SCAPER: variants seen among roughly 807,000 people sequenced by gnomAD.
SCAPER encodes S phase cyclin A-associated protein in the endoplasmic reticulum.
A neutral mutation model predicts 182.2 loss-of-function variants in SCAPER; 98 were observed. The ratio of observed to expected loss-of-function variants is 0.54; its 90% CI spans 0.46 to 0.64. SCAPER has a LOEUF of 0.64. Ranked by LOEUF, SCAPER falls within the 30% of genes least tolerant of loss-of-function variation. The pLI, the probability that SCAPER is intolerant of heterozygous loss-of-function variation, is 0.00. For synonymous variants in SCAPER, 605 were observed against 564.6 expected, an observed-to-expected ratio of 1.07 and a Z score of -1.01; for missense variants, 1,432 against 1,690.0, an observed-to-expected ratio of 0.85 and a Z score of 2.68.
chr15:76,879,967 G>C (rs1418170700), intron 2 of SCAPER, among the ~76,000 whole-genome samples: 3 of 152,080 alleles, frequency 2.0e-5, no homozygotes, highest in African/African-American at 7.2e-5. Context: ...ATGGTGTCTG[G>C]CACATAAATA....
At chr15:76,707,932 A>G (rs2059344269) in intron 17 of SCAPER, among the ~76,000 whole-genome samples, 1 of 152,188 alleles carries the variant, frequency 6.6e-6, no homozygotes, top group Non-Finnish European at 1.5e-5. Flanking sequence ...TAGATCAACA[A>G]TAGGAAGAAA....
chr15:76,617,839 C>G (rs1286762676), intron 22 of SCAPER, among the ~76,000 whole-genome samples: 1 of 152,164 alleles, frequency 6.6e-6, no homozygotes, highest in Non-Finnish European at 1.5e-5. Context: ...CAGCAAAGTT[C>G]TACTGCAAAG....
At chr15:76,630,564 G>T (rs367943051) in intron 21 of SCAPER, among the ~76,000 whole-genome samples, 1 of 152,162 alleles carries the variant, frequency 6.6e-6, no homozygotes, top group East Asian at 1.9e-4. Context: ...TTACCCAAGA[G>T]TCATTCAGGA....
chr15:76,787,621 G>A (rs1177049811), intron 8 of SCAPER, among the ~76,000 whole-genome samples: 1 of 152,122 alleles, frequency 6.6e-6, no homozygotes, highest in Admixed American at 6.6e-5. Flanking sequence ...ACCAAGCCTG[G>A]CCAAGAATTT....
chr15:76,785,263 C>T (rs867794126), intron 8 of SCAPER, among the ~76,000 whole-genome samples: 3 of 152,182 alleles, frequency 2.0e-5, no homozygotes, highest in Non-Finnish European at 4.4e-5. Context: ...ATTCAGCCAA[C>T]AGGCACATGA....
intron 20 of SCAPER, among the ~76,000 whole-genome samples, chr15:76,689,154 C>T (rs931717090): frequency 3.3e-5 from 5 of 151,624 alleles, no homozygotes; most frequent in Admixed American, 6.6e-5. Context: ...AGCCCAAATG[C>T]CTCTTTCTTA....
intron 24 of SCAPER, among the ~76,000 whole-genome samples, chr15:76,485,806 C>T (rs1596954683): frequency 6.6e-6 from 1 of 152,130 alleles, no homozygotes; most frequent in East Asian, 1.9e-4. Flanking sequence ...ATTCAATAAA[C>T]GGTGCTGGGA....
At chr15:76,835,184 CCA>C (rs745485465) in intron 5 of SCAPER, among the ~76,000 whole-genome samples, 2 of 150,512 alleles carry the variant, frequency 1.3e-5, no homozygotes. Context: ...TTCACAATAG[CCA>C]CACACACACA....
rs113555322 is a variant in SCAPER, at chr15:76,761,659, T to C, written c.1725+3302A>G. 7.9e-4 allele frequency among the ~76,000 whole-genome samples: 121 copies of C among 152,216 alleles called. 1 individual carries two copies. Among genetic ancestry groups the C allele is most frequent in the Non-Finnish European group, 3.4e-4 (23 of 68,032 alleles). ...TGCGGTCTAAAAGATATTGGTATGA[T>C]TTCCATCTTCTTAAATTTCTAAAGA... On this transcript the variant is annotated intron_variant, in intron 14 of 31. Coordinates refer to ENST00000563290, the MANE Select transcript of SCAPER (RefSeq NM_020843.4).
chr15:76,890,490 C>T (rs2152595076), intron 1 of SCAPER, among the ~76,000 whole-genome samples: 1 of 152,206 alleles, frequency 6.6e-6, no homozygotes, highest in East Asian at 1.9e-4. Context: ...GGGGATATCA[C>T]CACAGATCCC....
intron 14 of SCAPER, among the ~76,000 whole-genome samples, chr15:76,757,953 G>C (rs1331767150): frequency 6.6e-6 from 1 of 152,082 alleles, no homozygotes; most frequent in Non-Finnish European, 1.5e-5. Flanking sequence ...GAGTCAGGCT[G>C]TTTTCTTGCC....
At chr15:76,443,301 G>A (rs1308403073) in intron 25 of SCAPER, among the ~76,000 whole-genome samples, 3 of 152,166 alleles carry the variant, frequency 2.0e-5, no homozygotes. Flanking sequence ...GTCTGAAGAG[G>A]CTCTAGTTGG....
chr15:76,824,215 A>C (rs550339091), intron 5 of SCAPER, among the ~76,000 whole-genome samples: 1 of 152,386 alleles, frequency 6.6e-6, no homozygotes, highest in East Asian at 1.9e-4. Flanking sequence ...AGTGGCTCTG[A>C]AAGTAATGTT....
At chr15:76,547,643 T>G (rs2045408850) in intron 23 of SCAPER, among the ~76,000 whole-genome samples, 1 of 152,140 alleles carries the variant, frequency 6.6e-6, no homozygotes, top group African/African-American at 2.4e-5. Flanking sequence ...ACTCTGGAGT[T>G]AATTTTTGTG....
chr15:76,672,498 A>G (rs2057094689), intron 20 of SCAPER, among the ~76,000 whole-genome samples: 1 of 152,208 alleles, frequency 6.6e-6, no homozygotes, highest in Non-Finnish European at 1.5e-5. Flanking sequence ...AACAACAGAA[A>G]TCACTATCTT....
chr15:76,531,928 T>C (rs567332335), intron 23 of SCAPER, among the ~76,000 whole-genome samples: 26 of 152,324 alleles, frequency 1.7e-4, no homozygotes, highest in Non-Finnish European at 3.2e-4. Flanking sequence ...AATCCTGCTC[T>C]AGCAACAATA....
chr15:76,378,660 C>G (rs1046923505), intron 28 of SCAPER, among the ~76,000 whole-genome samples: 3 of 152,154 alleles, frequency 2.0e-5, no homozygotes, highest in African/African-American at 7.2e-5. Flanking sequence ...AGGCTTATGA[C>G]TGATTCAACC....
chr15:76,769,985 A>G (rs113929155), intron 10 of SCAPER, among the ~76,000 whole-genome samples: 23,328 of 152,104 alleles, frequency 0.15, 2,011 homozygotes, highest in African/African-American at 0.24. Context: ...CTGGATTAAG[A>G]AAATGTGGCA....
At chr15:76,887,534 C>T (rs749409175) in intron 1 of SCAPER, among the ~76,000 whole-genome samples, 3 of 152,148 alleles carry the variant, frequency 2.0e-5, no homozygotes, top group African/African-American at 4.8e-5. Flanking sequence ...CCCACACCCA[C>T]GGAGCCTTGT....
Sources: allele counts gnomAD v4.1 joint callset (sites outside exome capture counted in the v4.1 genomes callset), GRCh38; gene constraint gnomAD v4.1.1; transcripts MANE v1.5; gene names NCBI Gene and HGNC (gene_info 2026-07-23, HGNC 2026-07-21).